The following EPHA3 variants were observed in gnomAD, a reference collection of about 807,000 sequenced individuals.
EPHA3 encodes EPH receptor A3.
Under a neutral mutation model 107.1 loss-of-function variants are expected in EPHA3, and 42 were observed. That is an observed-to-expected ratio of 0.39 (90% CI 0.31 to 0.51). The LOEUF (loss-of-function observed/expected upper bound fraction) is 0.51. EPHA3 is among the 20% of genes least tolerant of loss of function. EPHA3 has a pLI of 0.78. For missense variants in EPHA3, 1,183 were observed against 1,211.2 expected (o/e 0.98, Z 0.35); for synonymous variants, 461 against 424.8 (o/e 1.09, Z -1.05).
intron 16 of EPHA3, among the ~76,000 whole-genome samples, chr3:89,475,859 G>A (rs1710495032): frequency 6.6e-6 from 1 of 152,100 alleles, no homozygotes; most frequent in South Asian, 2.1e-4. Flanking sequence ...GAACAGGACA[G>A]TCAAAATGAA....
At chr3:89,202,219 G>T (rs1213420378) in intron 2 of EPHA3, among the ~76,000 whole-genome samples, 1 of 151,984 alleles carries the variant, frequency 6.6e-6, no homozygotes, top group African/African-American at 2.4e-5. Context: ...TTGTGGCCAA[G>T]CGTGGTGTCT....
chr3:89,240,156 T>C (rs1358544506), intron 3 of EPHA3, among the ~76,000 whole-genome samples: 2 of 152,198 alleles, frequency 1.3e-5, no homozygotes, highest in Non-Finnish European at 2.9e-5. Context: ...AAATAATACA[T>C]TTGTATGGCA....
chr3:89,224,503 T>A (rs1704453480), intron 3 of EPHA3, among the ~76,000 whole-genome samples: 1 of 152,132 alleles, frequency 6.6e-6, no homozygotes, highest in South Asian at 2.1e-4. Flanking sequence ...AGAAGGAAGA[T>A]GGTTAGAAAC....
At chr3:89,292,095 A>G (rs1706220787) in intron 3 of EPHA3, among the ~76,000 whole-genome samples, 1 of 152,216 alleles carries the variant, frequency 6.6e-6, no homozygotes, top group Non-Finnish European at 1.5e-5. Flanking sequence ...TTCCTTCCAG[A>G]AATCTCTGTA....
chr3:89,416,496 A>G (rs572251841), intron 10 of EPHA3, among the ~76,000 whole-genome samples: 1 of 151,266 alleles, frequency 6.6e-6, no homozygotes, highest in Non-Finnish European at 1.5e-5. Context: ...CTTTATTGAG[A>G]TACAATTTAC....
chr3:89,252,156 C>T (rs192709530), intron 3 of EPHA3, among the ~76,000 whole-genome samples: 14 of 152,090 alleles, frequency 9.2e-5, no homozygotes, highest in Non-Finnish European at 1.5e-4. Flanking sequence ...AATGTGATTC[C>T]ATACACTTCT....
chr3:89,336,376 C>G (rs545597250), intron 3 of EPHA3, among the ~76,000 whole-genome samples: 2 of 152,062 alleles, frequency 1.3e-5, no homozygotes, highest in Non-Finnish European at 2.9e-5. Context: ...GTCTTTAATA[C>G]TCAGGATGAT....
chr3:89,429,184 C>A lies in EPHA3; in HGVS notation c.2136+17C>A, dbSNP rs1342159144. On this transcript the variant is annotated intron_variant, in intron 12 of 16. Coordinates refer to ENST00000336596, the MANE Select transcript of EPHA3 (RefSeq NM_005233.6). ...TTCCTACGTGTAAGTAAGATGCACA[C>A]ACATACATATATATGAATAAATTGC... 3.2e-6 allele frequency: 5 copies of A among 1,585,312 alleles called. No individual in the cohort carries two copies. Among genetic ancestry groups the A allele is most frequent in the Non-Finnish European group, 2.6e-6 (3 of 1,155,432 alleles).
chr3:89,187,795 T>C (rs1705607274), intron 2 of EPHA3, among the ~76,000 whole-genome samples: 1 of 152,172 alleles, frequency 6.6e-6, no homozygotes, highest in Non-Finnish European at 1.5e-5. Flanking sequence ...TAATTGGCCA[T>C]GACATAGCTT....
At chr3:89,128,584 C>T (rs1367489687) in intron 2 of EPHA3, among the ~76,000 whole-genome samples, 6 of 151,722 alleles carry the variant, frequency 4.0e-5, no homozygotes, top group Admixed American at 3.3e-4. Flanking sequence ...AGAGAATCTG[C>T]TGCTTCAGGA....
intron 5 of EPHA3, among the ~76,000 whole-genome samples, chr3:89,377,001 CACA>C (rs543256483): frequency 1.9e-3 from 294 of 152,134 alleles, no homozygotes; most frequent in Non-Finnish European, 3.4e-3. Context: ...AAATTTTTCT[CACA>C]ACTTTCCTTC....
intron 13 of EPHA3, among the ~76,000 whole-genome samples, chr3:89,436,402 A>G (rs951531709): frequency 6.6e-6 from 1 of 152,212 alleles, no homozygotes; most frequent in East Asian, 1.9e-4. Flanking sequence ...AACGCAGTTC[A>G]TCTAGTGTCT....
chr3:89,114,879 C>A (rs1017240226), intron 1 of EPHA3, among the ~76,000 whole-genome samples: 6 of 152,198 alleles, frequency 3.9e-5, no homozygotes, highest in Admixed American at 6.5e-5. Flanking sequence ...AGAGTCCATG[C>A]GCCTTGGACG....
rs868611493 is a variant in EPHA3 at position 89,190,372 on chromosome 3, G to A, written c.154-19488G>A. Among the ~76,000 whole-genome samples, 4 of 152,196 alleles carry A rather than the reference G, an allele frequency of 2.6e-5. No homozygotes were observed. The Middle Eastern group carries it at 0.01, about 388-fold the overall frequency. ...AAACAAATGAATCAGTCATTTCAGA[G>A]AACAATATATCTACCAATTAACTGG... On this transcript the variant is annotated intron_variant, in intron 2 of 16. Coordinates refer to ENST00000336596, the MANE Select transcript of EPHA3 (RefSeq NM_005233.6).
At chr3:89,326,055 C>T (rs1261555031) in intron 3 of EPHA3, among the ~76,000 whole-genome samples, 1 of 150,778 alleles carries the variant, frequency 6.6e-6, no homozygotes, top group East Asian at 1.9e-4. Flanking sequence ...ACTGGGAAGT[C>T]CTTTTTTTCT....
intron 7 of EPHA3, among the ~76,000 whole-genome samples, chr3:89,400,906 G>C (rs1708948766): frequency 6.6e-6 from 1 of 152,128 alleles, no homozygotes; most frequent in African/African-American, 2.4e-5. Flanking sequence ...ACACCCTTTA[G>C]AAATAGATTA....
chr3:89,173,671 TTG>T (rs1705256857), intron 2 of EPHA3, among the ~76,000 whole-genome samples: 1 of 152,040 alleles, frequency 6.6e-6, no homozygotes, highest in African/African-American at 2.4e-5. Flanking sequence ...ATGATGAGCA[TTG>T]TCTGCTTACT....
At chr3:89,395,771 T>G in intron 5 of EPHA3, 66 bp from the exon 6 acceptor site, 1 of 1,582,320 alleles carries the variant, frequency 6.3e-7, no homozygotes, top group Admixed American at 1.7e-5. Flanking sequence ...TCTGTTCTTA[T>G]TCGCCACCCT....
In EPHA3 at chr3:89,347,716, G is replaced by T. The variant is rs918621325; in HGVS notation, c.1306+5626G>T. Among the ~76,000 whole-genome samples the T allele has an allele frequency of 1.7e-4, 25 of 150,444 alleles. 1 individual carries two copies. The highest frequency in any genetic ancestry group is 5.4e-4 in the African/African-American group (22 of 41,096). The stretch of plus-strand genomic sequence containing the variant: ...CCAGTTTTCAAAGGGAATGCTTCCA[G>T]TTTTTGCCCATTCAGTATGATATTG... On this transcript the variant is annotated intron_variant, in intron 5 of 16. Transcript: ENST00000336596.
Sources: gnomAD v4.1 joint callset for allele counts (sites outside exome capture counted in the v4.1 genomes callset) on GRCh38, gnomAD v4.1.1 for gene constraint, MANE v1.5 for transcripts, NCBI Gene and HGNC (gene_info 2026-07-23, HGNC 2026-07-21) for gene names.